The following HEG1 variants were observed in gnomAD, a reference collection of about 807,000 sequenced individuals.
The protein encoded by HEG1 is protein HEG homolog 1.
HEG1 carries 56 observed loss-of-function variants against 125.6 expected under a neutral mutation model. The ratio of observed to expected loss-of-function variants is 0.45; its 90% CI spans 0.36 to 0.56. The LOEUF is 0.56. HEG1 is among the 20% of genes least tolerant of loss of function. HEG1 has a pLI of 0.00. For synonymous variants in HEG1, 644 were observed against 668.5 expected, an observed-to-expected ratio of 0.96 and a Z score of 0.57; for missense variants, 1,523 against 1,670.0, an observed-to-expected ratio of 0.91 and a Z score of 1.53.
In HEG1 at chr3:125,012,895, G is replaced by A; in HGVS notation, c.2684C>T (p.Thr895Ile). ...HPEILVPQIS[T>I]EGGISTERNR... ...CCTTTCTGTGCTGATGCCACCTTCT[G>A]TTGAGATTTGAGGAACTAGTATTTC... The change falls in exon 6 of 17, where the codon ACA (threonine) becomes ATA (isoleucine). Residue 895 changes from threonine to isoleucine, a missense_variant. Physicochemically the swap from Thr to Ile is moderately conservative, Grantham distance 89 (BLOSUM62 -1). Coordinates refer to ENST00000311127, the MANE Select transcript of HEG1 (RefSeq NM_020733.2). 3 of 1,614,074 alleles carry A rather than the reference G, an allele frequency of 1.9e-6. No homozygotes were observed. The highest frequency in any genetic ancestry group is 2.5e-6 in the Non-Finnish European group (3 of 1,179,906).
chr3:124,999,048 G>A (rs1936963525), intron 11 of HEG1, among the ~76,000 whole-genome samples: 1 of 152,166 alleles, frequency 6.6e-6, no homozygotes, highest in African/African-American at 2.4e-5. Context: ...AACTGCCCCT[G>A]CCCAGGCAGG....
At chr3:124,996,537 C>T (rs1322757626) in intron 12 of HEG1, among the ~76,000 whole-genome samples, 2 of 152,200 alleles carry the variant, frequency 1.3e-5, no homozygotes, top group African/African-American at 4.8e-5. Context: ...AGGCCCAACA[C>T]AGAGAGTTGG....
chr3:125,034,589 C>T (rs565550733), intron 1 of HEG1, among the ~76,000 whole-genome samples: 6 of 152,124 alleles, frequency 3.9e-5, no homozygotes, highest in African/African-American at 1.4e-4. Flanking sequence ...CTTGAGCCCA[C>T]GAGTTCAAGA....
chr3:124,977,627 C>T (rs1040184875), intron 15 of HEG1, among the ~76,000 whole-genome samples: 1 of 152,150 alleles, frequency 6.6e-6, no homozygotes, highest in South Asian at 2.1e-4. Context: ...CCTGCTTGTG[C>T]TTTCAGCTAT....
rs139486207 is a variant in HEG1, at chr3:125,005,388, T to C, written c.3194-20A>G. On this transcript the variant is annotated intron_variant, in intron 8 of 16. Coordinates refer to ENST00000311127, the MANE Select transcript of HEG1 (RefSeq NM_020733.2). ...TTCTAACTGAAAATGAAAATGTAACTTGTTAGATTACACAACAGAAGAACC... is the reference window on the plus strand; with the variant it reads ...TTCTAACTGAAAATGAAAATGTAACCTGTTAGATTACACAACAGAAGAACC... The C allele has an allele frequency of 1.8e-5, 25 of 1,363,230 alleles. No individual in the cohort carries two copies. Among genetic ancestry groups the C allele is most frequent in the Non-Finnish European group, 2.5e-5 (24 of 973,676 alleles). The allele number at this position is 1,363,230 out of a possible 1,614,324, so 84.4% of individuals were successfully genotyped here. A position where few individuals can be genotyped will look rare whatever the true frequency, so the allele number is the denominator to read the frequency against.
intron 5 of HEG1, chr3:125,015,068 C>T (rs1056049314): frequency 8.6e-6 from 10 of 1,165,064 alleles, no homozygotes; most frequent in African/African-American, 8.0e-5. Context: ...GCGACAGGAT[C>T]GTGCCCCAAG....
intron 12 of HEG1, 38 bp downstream of exon 12, chr3:124,997,651 A>C: frequency 2.0e-6 from 3 of 1,531,998 alleles, no homozygotes; most frequent in South Asian, 1.3e-5. Flanking sequence ...GCAGAGTCCC[A>C]GGACTGGGCA....
At position 125,027,167 on chromosome 3, in the gene HEG1, G is replaced by A; in HGVS notation, c.913+38C>T. On this transcript the variant is annotated intron_variant, in intron 3 of 16. Transcript: ENST00000311127. The stretch of plus-strand genomic sequence containing the variant: ...GCACATTGATTTATGTCTACTTTGA[G>A]TGACTTCCGAGTGTTAAGCTGGGTA... 5 of 1,506,578 alleles carry A rather than the reference G, an allele frequency of 3.3e-6. No individual in the cohort carries two copies. In the East Asian group the frequency reaches 9.3e-5, roughly 28 times the overall value. 93.3% of individuals were successfully genotyped at this position (1,506,578 alleles called of 1,614,324 possible).
intron 3 of HEG1, among the ~76,000 whole-genome samples, chr3:125,021,347 A>G (rs902385205): frequency 3.3e-5 from 5 of 151,324 alleles, no homozygotes; most frequent in African/African-American, 1.2e-4. Flanking sequence ...GAAGGTGGAG[A>G]ACACCGAGAT....
chr3:124,974,950 C>T (rs1451552712), intron 15 of HEG1, among the ~76,000 whole-genome samples: 1 of 152,172 alleles, frequency 6.6e-6, no homozygotes, highest in East Asian at 1.9e-4. Context: ...CAGGAGCCAG[C>T]AGGCACAGGC....
rs566642367 is a variant in HEG1 at position 124,970,989 on chromosome 3, C to G, written c.3997-188G>C. ...CTCTGGAGCACAACCCACTTTAATC[C>G]TTCCTGTCCCAGCAACCATGCAGAA... is the stretch of plus-strand genomic sequence containing the variant. On this transcript the variant is annotated intron_variant, in intron 16 of 16. Coordinates refer to ENST00000311127, the MANE Select transcript of HEG1 (RefSeq NM_020733.2). 6.6e-5 allele frequency: 42 copies of G among 632,804 alleles called. No homozygotes were observed. The East Asian group carries it at 1.2e-3, about 18-fold the overall frequency. The allele number at this position is 632,804 out of a possible 1,614,324, so 39.2% of individuals were successfully genotyped here.
Position 124,987,952 on chromosome 3 carries a change from C to CACACACAT in HEG1, c.3733+2834_3733+2835insATGTGTGT. On this transcript the variant is annotated intron_variant, in intron 14 of 16. Coordinates refer to ENST00000311127, the MANE Select transcript of HEG1 (RefSeq NM_020733.2). ...ACACACACACACACACACACACACA[C>CACACACAT]ATATATATATATATATATATATACC... Among the ~76,000 whole-genome samples the CACACACAT allele has an allele frequency of 5.9e-4, 32 of 54,698 alleles. 1 individual carries two copies. The highest frequency in any genetic ancestry group is 1.3e-3 in the African/African-American group (28 of 21,028). 35.9% of individuals were successfully genotyped at this position (54,698 alleles called of 152,430 possible).
intron 1 of HEG1, among the ~76,000 whole-genome samples, chr3:125,036,817 T>A (rs1449161811): frequency 6.6e-6 from 1 of 152,236 alleles, no homozygotes; most frequent in Non-Finnish European, 1.5e-5. Flanking sequence ...TAATATCTAA[T>A]GTCATCACAG....
intron 8 of HEG1, 174 bp downstream of exon 8, chr3:125,009,531 G>T: frequency 2.0e-6 from 1 of 507,212 alleles, no homozygotes; most frequent in Non-Finnish European, 3.4e-6. Context: ...GCAAAGTAGG[G>T]TGTTCTATCT....
At chr3:125,037,940 G>C (rs529951925) in intron 1 of HEG1, among the ~76,000 whole-genome samples, 1 of 152,322 alleles carries the variant, frequency 6.6e-6, no homozygotes, top group East Asian at 1.9e-4. Flanking sequence ...CTCCCTCACT[G>C]GGTTGTTGTG....
Position 125,009,723 on chromosome 3 carries a change from T to C in HEG1, c.3175A>G (p.Lys1059Glu), listed in dbSNP as rs1417561162. The C allele has an allele frequency of 6.2e-7, 1 of 1,613,268 alleles. No homozygotes were observed. Among genetic ancestry groups the C allele is most frequent in the Non-Finnish European group, 8.5e-7 (1 of 1,179,374 alleles). The change falls in exon 8 of 17, where the codon AAA (lysine) becomes GAA (glutamate). Residue 1059 changes from lysine to glutamate, a missense_variant. By Grantham distance (56) the Lys-to-Glu change is moderately conservative (BLOSUM62 1). Coordinates refer to ENST00000311127, the MANE Select transcript of HEG1 (RefSeq NM_020733.2). ...CTCTTACCCAAATTGCATATCCCTT[T>C]TTCCAACTGGTACCCAACCGGGCAT... ...CKCPVGYQLE[K>E]GICNLVRTFV... is the part of the protein sequence containing the mutation.
chr3:125,026,626 G>T (rs1937419173), intron 3 of HEG1, among the ~76,000 whole-genome samples: 1 of 151,998 alleles, frequency 6.6e-6, no homozygotes, highest in Non-Finnish European at 1.5e-5. Flanking sequence ...CAATAATGAA[G>T]AAATAAAAAT....
At position 125,013,677 on chromosome 3, in the gene HEG1, C is replaced by T. The variant is rs547330294; in HGVS notation, c.1902G>A (p.Pro634=). ...ESPVLHTSNL[P]SYTPTINMPN... ...GCATATTAATGGTGGGTGTGTAGGA[C>T]GGAAGGTTGGATGTATGCAGAACTG... The change falls in exon 6 of 17, where the codon CCG becomes CCA. Residue 634 remains proline, a synonymous_variant. Transcript: ENST00000311127. 83 of 1,613,696 alleles carry T rather than the reference C, an allele frequency of 5.1e-5. No homozygotes were observed. The highest frequency in any genetic ancestry group is 1.2e-4 in the Admixed American group (7 of 60,002).
Position 125,013,427 on chromosome 3 carries a change from G to A in HEG1, c.2152C>T (p.Pro718Ser), listed in dbSNP as rs1462210482. The A allele has an allele frequency of 1.1e-5, 17 of 1,613,870 alleles. No homozygotes were observed. Among genetic ancestry groups the A allele is most frequent in the Admixed American group, 6.7e-5 (4 of 60,010 alleles). ...GATGTCGTTAAGGATACTGGTAAAG[G>A]TGATGGTGAGGAAGACCATGGTGTG... Reference protein sequence around the residue: ...ASTPWSSSPSPLPVSLTTSTS... With the variant: ...ASTPWSSSPSSLPVSLTTSTS... Residue 718 changes from proline to serine, a missense_variant, in exon 6 of 17, where the codon CCT becomes TCT. Physicochemically the swap from Pro to Ser is moderately conservative, Grantham distance 74. Coordinates refer to ENST00000311127, the MANE Select transcript of HEG1 (RefSeq NM_020733.2).
Sources: allele counts gnomAD v4.1 joint callset (sites outside exome capture counted in the v4.1 genomes callset), GRCh38; gene constraint gnomAD v4.1.1; transcripts MANE v1.5; gene names NCBI Gene and HGNC (gene_info 2026-07-23, HGNC 2026-07-21).